Variants in PTPRK observed in about 807,000 individuals in gnomAD.
PTPRK encodes protein tyrosine phosphatase receptor type K.
A neutral mutation model predicts 178.0 loss-of-function variants in PTPRK; 75 were observed. The observed-to-expected ratio is 0.42, with a 90% CI of 0.35 to 0.51. The LOEUF is 0.51. Among genes scored for constraint, PTPRK ranks in the 20% least tolerant of loss-of-function variants. The probability of loss-of-function intolerance (pLI) is 0.02; values close to 1 mark genes in which losing one functional copy is unlikely to be tolerated. For synonymous variants in PTPRK, 637 were observed against 620.6 expected (o/e 1.03, Z -0.39); for missense variants, 1,441 against 1,797.8 (o/e 0.80, Z 3.59).
intron 6 of PTPRK, among the ~76,000 whole-genome samples, chr6:128,213,441 T>C (rs945229273): frequency 2.0e-5 from 3 of 152,062 alleles, no homozygotes; most frequent in Non-Finnish European, 4.4e-5. Context: ...AAAATTAGTA[T>C]GTGATTCAGT....
At chr6:128,198,081 C>G (rs1256498055) in intron 6 of PTPRK, among the ~76,000 whole-genome samples, 1 of 152,012 alleles carries the variant, frequency 6.6e-6, no homozygotes, top group African/African-American at 2.4e-5. Flanking sequence ...AGCTCGGGAC[C>G]CAAATATCAT....
chr6:128,495,091 AT>A (rs1352741174), intron 1 of PTPRK, among the ~76,000 whole-genome samples: 1 of 152,200 alleles, frequency 6.6e-6, no homozygotes, highest in Non-Finnish European at 1.5e-5. Context: ...ACTCTGTGCA[AT>A]TTAAAACAAA....
intron 3 of PTPRK, among the ~76,000 whole-genome samples, chr6:128,246,955 G>C (rs1448186533): frequency 6.6e-6 from 1 of 152,168 alleles, no homozygotes; most frequent in Non-Finnish European, 1.5e-5. Context: ...AAACCCTAGA[G>C]AACAAGGACA....
intron 6 of PTPRK, among the ~76,000 whole-genome samples, chr6:128,207,521 A>G (rs781317737): frequency 2.6e-5 from 4 of 152,204 alleles, no homozygotes; most frequent in Non-Finnish European, 5.9e-5. Flanking sequence ...ATATTTATCT[A>G]TAAACCTCAG....
chr6:128,202,322 A>G (rs1480888881), intron 6 of PTPRK, among the ~76,000 whole-genome samples: 1 of 152,196 alleles, frequency 6.6e-6, no homozygotes, highest in Non-Finnish European at 1.5e-5. Flanking sequence ...TCTCCCGTAA[A>G]TATTTGCAAC....
chr6:128,377,540 T>G (rs1170616609), intron 2 of PTPRK, among the ~76,000 whole-genome samples: 1 of 152,152 alleles, frequency 6.6e-6, no homozygotes, highest in Non-Finnish European at 1.5e-5. Context: ...ATTAAATATA[T>G]ATTTGTTAAA....
At chr6:127,998,698 T>C (rs1189462304) in intron 16 of PTPRK, 22 bp downstream of exon 16, 1 of 1,529,932 alleles carries the variant, frequency 6.5e-7, no homozygotes, top group African/African-American at 1.4e-5. Flanking sequence ...TCAAATTCAA[T>C]ACAGTATCAA....
intron 7 of PTPRK, among the ~76,000 whole-genome samples, chr6:128,164,507 G>A (rs528331428): frequency 8.6e-5 from 13 of 151,210 alleles, no homozygotes; most frequent in African/African-American, 1.4e-4. Flanking sequence ...ACCCTCCAAC[G>A]CCTCTAACTT....
chr6:128,323,769 GTGGCTGAT>G (rs1388835278), intron 2 of PTPRK, among the ~76,000 whole-genome samples: 1 of 152,108 alleles, frequency 6.6e-6, no homozygotes, highest in Non-Finnish European at 1.5e-5. Context: ...CATAGTGATA[GTGGCTGAT>G]ATTATTGTTC....
chr6:128,464,252 T>G (rs1397862214), intron 1 of PTPRK, among the ~76,000 whole-genome samples: 1 of 151,822 alleles, frequency 6.6e-6, no homozygotes, highest in Non-Finnish European at 1.5e-5. Context: ...AAGTAAAAAG[T>G]CATAAATTCA....
intron 6 of PTPRK, among the ~76,000 whole-genome samples, chr6:128,198,660 A>C (rs1438991535): frequency 6.6e-6 from 1 of 152,136 alleles, no homozygotes; most frequent in Non-Finnish European, 1.5e-5. Context: ...TACTTCCTAG[A>C]GTGTCTTTTT....
rs1814659483 is a variant in PTPRK at position 128,242,555 on chromosome 6, G to A, written c.543C>T (p.Ala181=). The A allele has an allele frequency of 1.2e-6, 2 of 1,612,900 alleles. No homozygotes were observed. The highest frequency in any genetic ancestry group is 8.5e-7 in the Non-Finnish European group (1 of 1,179,526). ...EVSGGRSGYI[A]IDDIQVLSYP... ...AACTCAGTACTTGGATGTCATCAAT[G>A]GCAATATAACCACTTCTCCCTCCTG... The change falls in exon 4 of 30, where the codon GCC becomes GCT. Residue 181 remains alanine, a synonymous_variant. Coordinates refer to ENST00000368226, the MANE Select transcript of PTPRK (RefSeq NM_002844.4).
At chr6:128,200,913 G>A (rs1805820865) in intron 6 of PTPRK, among the ~76,000 whole-genome samples, 1 of 109,090 alleles carries the variant, frequency 9.2e-6, no homozygotes, top group Non-Finnish European at 1.9e-5. Flanking sequence ...GGGAGGGAGG[G>A]AGGGAGGGAG....
At chr6:128,326,020 G>A (rs1371429016) in intron 2 of PTPRK, among the ~76,000 whole-genome samples, 1 of 152,058 alleles carries the variant, frequency 6.6e-6, no homozygotes, top group Non-Finnish European at 1.5e-5. Context: ...TCCTTTGCAG[G>A]GACATGGATG....
intron 3 of PTPRK, among the ~76,000 whole-genome samples, chr6:128,257,258 G>A (rs1357835896): frequency 1.3e-5 from 2 of 151,172 alleles, no homozygotes; most frequent in Admixed American, 6.6e-5. Context: ...CTGGGAGATA[G>A]GAAGCTGGGA....
intron 7 of PTPRK, among the ~76,000 whole-genome samples, chr6:128,110,407 T>C (rs1211714494): frequency 3.9e-5 from 6 of 152,136 alleles, no homozygotes; most frequent in Non-Finnish European, 7.4e-5. Context: ...TTGGAAGTAG[T>C]AGCCGACGTT....
intron 13 of PTPRK, among the ~76,000 whole-genome samples, chr6:128,016,080 T>C (rs550851718): frequency 1.1e-4 from 17 of 151,996 alleles, no homozygotes; most frequent in South Asian, 8.3e-4. Flanking sequence ...AAATATCTTC[T>C]CCTATCAGAC....
chr6:127,982,595 C>A (rs916529934), intron 24 of PTPRK, among the ~76,000 whole-genome samples: 1 of 152,092 alleles, frequency 6.6e-6, no homozygotes, highest in African/African-American at 2.4e-5. Flanking sequence ...TTTTATGATA[C>A]CTTTCCCCTT....
chr6:128,505,101 T>G (rs979506804), intron 1 of PTPRK, among the ~76,000 whole-genome samples: 3 of 148,832 alleles, frequency 2.0e-5, no homozygotes, highest in African/African-American at 7.4e-5. Context: ...CTTAAGAAAT[T>G]TACTTGTTTT....
Sources: gnomAD v4.1 joint callset for allele counts (sites outside exome capture counted in the v4.1 genomes callset) on GRCh38, gnomAD v4.1.1 for gene constraint, MANE v1.5 for transcripts, NCBI Gene and HGNC (gene_info 2026-07-23, HGNC 2026-07-21) for gene names.